The following XPR1 variants were observed in gnomAD, a reference collection of about 807,000 sequenced individuals.
The protein encoded by XPR1 is xenotropic and polytropic retrovirus receptor 1, also known as solute carrier family 53 member 1.
In XPR1, 28 loss-of-function variants were observed where a neutral mutation model predicts 87.5. The observed-to-expected ratio is 0.32, with a 90% CI of 0.24 to 0.44. The LOEUF is 0.44. Among genes scored for constraint, XPR1 ranks in the 20% least tolerant of loss-of-function variants. The pLI is 1.00. For missense variants in XPR1, 559 were observed against 862.3 expected, an observed-to-expected ratio of 0.65 and a Z score of 4.41; for synonymous variants, 300 against 306.1, an observed-to-expected ratio of 0.98 and a Z score of 0.21.
chr1:180,685,026 A>C (rs1195239706), intron 2 of XPR1, among the ~76,000 whole-genome samples: 1 of 151,990 alleles, frequency 6.6e-6, no homozygotes, highest in African/African-American at 2.4e-5. Context: ...CACTATGTTG[A>C]ATAGGAGCGG....
intron 1 of XPR1, among the ~76,000 whole-genome samples, chr1:180,663,558 G>A (rs1655851071): frequency 1.3e-5 from 2 of 152,176 alleles, no homozygotes; most frequent in Non-Finnish European, 2.9e-5. Context: ...CACCCCTTGG[G>A]CCACCATCAC....
chr1:180,714,352 TCTCTCTCTC>T, intron 2 of XPR1, among the ~76,000 whole-genome samples: 1 of 25,978 alleles, frequency 3.8e-5, no homozygotes, highest in Non-Finnish European at 7.0e-5. Flanking sequence ...TTCCCTGTTC[TCTCTCTCTC>T]TCTCTCTCTC....
intron 12 of XPR1, among the ~76,000 whole-genome samples, chr1:180,866,519 G>A (rs990985405): frequency 7.0e-6 from 1 of 141,918 alleles, no homozygotes; most frequent in Non-Finnish European, 1.5e-5. Context: ...CATTTTTGGT[G>A]ACACCAGTTT....
intron 3 of XPR1, among the ~76,000 whole-genome samples, chr1:180,788,395 T>C (rs1337535324): frequency 6.6e-6 from 1 of 152,214 alleles, no homozygotes; most frequent in African/African-American, 2.4e-5. Flanking sequence ...TAATATACAT[T>C]AGTAAAACAA....
intron 1 of XPR1, among the ~76,000 whole-genome samples, chr1:180,657,917 A>C (rs972383683): frequency 6.6e-6 from 1 of 152,210 alleles, no homozygotes; most frequent in Non-Finnish European, 1.5e-5. Flanking sequence ...CCAATCCATG[A>C]ACATGGAATA....
intron 2 of XPR1, among the ~76,000 whole-genome samples, chr1:180,784,851 A>G (rs1198517705): frequency 6.6e-6 from 1 of 151,752 alleles, no homozygotes; most frequent in Non-Finnish European, 1.5e-5. Flanking sequence ...TGTTTTTCTC[A>G]TTTATTTACT....
At chr1:180,697,127 AG>A (rs1475551339) in intron 2 of XPR1, among the ~76,000 whole-genome samples, 2 of 152,068 alleles carry the variant, frequency 1.3e-5, no homozygotes, top group Non-Finnish European at 2.9e-5. Flanking sequence ...CTTGGTTGGG[AG>A]ACTTTTTATT....
chr1:180,678,898 A>G (rs191092838), intron 1 of XPR1, among the ~76,000 whole-genome samples: 1 of 152,176 alleles, frequency 6.6e-6, no homozygotes, highest in East Asian at 1.9e-4. Context: ...ATATGCTTGA[A>G]TATTTGTGCT....
rs146736958 is a variant in XPR1 at position 180,822,782 on chromosome 1, T to TA, written c.764-1962dup. Among the ~76,000 whole-genome samples, 16 of 151,624 alleles carry TA rather than the reference T, an allele frequency of 1.1e-4. No individual in the cohort carries two copies. The East Asian group carries it at 2.1e-3, about 20-fold the overall frequency. ...TTGATCAACAAAGAAACAGAGACTTTAAAAAAAAATAAATAATTTGGCATC... is the reference window on the plus strand; with the variant it reads ...TTGATCAACAAAGAAACAGAGACTTTAAAAAAAAAATAAATAATTTGGCATC... On this transcript the variant is annotated intron_variant, in intron 7 of 14. Coordinates refer to ENST00000367590, the MANE Select transcript of XPR1 (RefSeq NM_004736.4).
intron 2 of XPR1, among the ~76,000 whole-genome samples, chr1:180,683,994 T>C (rs1369607184): frequency 6.6e-6 from 1 of 152,214 alleles, no homozygotes; most frequent in African/African-American, 2.4e-5. Context: ...ATTTTGGCTT[T>C]TGTTGCCATT....
chr1:180,743,224 TGGGGG>T (rs1553243627), intron 2 of XPR1, among the ~76,000 whole-genome samples: 3 of 149,388 alleles, frequency 2.0e-5, no homozygotes, highest in African/African-American at 7.4e-5. Context: ...CTTTTTTTTT[TGGGGG>T]GGGAGTATTT....
chr1:180,768,234 T>C (rs868048945), intron 2 of XPR1, among the ~76,000 whole-genome samples: 7 of 152,192 alleles, frequency 4.6e-5, no homozygotes, highest in Non-Finnish European at 8.8e-5. Context: ...TTTTTTTTTT[T>C]AGTTTGAGTG....
At chr1:180,859,729 G>A (rs976988672) in intron 11 of XPR1, among the ~76,000 whole-genome samples, 9 of 152,192 alleles carry the variant, frequency 5.9e-5, no homozygotes, top group African/African-American at 2.2e-4. Context: ...TTATTTAAAA[G>A]GCAGTAAGTC....
chr1:180,873,764 G>C (rs1192587988), intron 12 of XPR1, 39 bp from the exon 13 acceptor site: 1 of 1,603,670 alleles, frequency 6.2e-7, no homozygotes, highest in African/African-American at 1.3e-5. Context: ...TATGAGAAAT[G>C]TGATAGAAAA....
In XPR1 at chr1:180,773,589, A is replaced by G. The variant is rs553915014; in HGVS notation, c.122-14164A>G. Among the ~76,000 whole-genome samples the G allele has an allele frequency of 5.3e-5, 8 of 152,322 alleles. No individual in the cohort carries two copies. In the South Asian group the frequency reaches 1.4e-3, roughly 28 times the overall value. The stretch of plus-strand genomic sequence containing the variant: ...ACTTATTTGTATCTCATATAATGCT[A>G]CAAAGGTTTTGACATAACATTTTCT... On this transcript the variant is annotated intron_variant, in intron 2 of 14. Coordinates refer to ENST00000367590, the MANE Select transcript of XPR1 (RefSeq NM_004736.4).
chr1:180,775,602 G>T (rs1648686800), intron 2 of XPR1, among the ~76,000 whole-genome samples: 1 of 152,232 alleles, frequency 6.6e-6, no homozygotes, highest in African/African-American at 2.4e-5. Context: ...TAATAGTTTA[G>T]TTAAAAGTGG....
At chr1:180,846,226 C>T (rs1451106770) in intron 11 of XPR1, among the ~76,000 whole-genome samples, 4 of 146,552 alleles carry the variant, frequency 2.7e-5, no homozygotes, top group Non-Finnish European at 5.9e-5. Flanking sequence ...CACGCCACTG[C>T]GCTCTAGCCT....
intron 1 of XPR1, among the ~76,000 whole-genome samples, chr1:180,681,150 A>G (rs1656564341): frequency 6.6e-6 from 1 of 152,178 alleles, no homozygotes; most frequent in Non-Finnish European, 1.5e-5. Context: ...GGTCTGTACC[A>G]CTGTAGGCTG....
intron 11 of XPR1, among the ~76,000 whole-genome samples, chr1:180,837,584 A>C (rs1482099956): frequency 6.6e-6 from 1 of 152,202 alleles, no homozygotes; most frequent in Non-Finnish European, 1.5e-5. Flanking sequence ...TTGCTTCAAT[A>C]AACCTTGAGA....
Sources: gnomAD v4.1 joint callset for allele counts (sites outside exome capture counted in the v4.1 genomes callset) on GRCh38, gnomAD v4.1.1 for gene constraint, MANE v1.5 for transcripts, NCBI Gene and HGNC (gene_info 2026-07-23, HGNC 2026-07-21) for gene names.